The following ADCY5 variants were observed in gnomAD, a reference collection of about 807,000 sequenced individuals.
ADCY5 encodes adenylate cyclase 5, also known as adenylate cyclase type 5.
In ADCY5, 30 loss-of-function variants were observed where a neutral mutation model predicts 119.7. That is an observed-to-expected ratio of 0.25 (90% CI 0.19 to 0.34). ADCY5 has a LOEUF of 0.34. Among genes scored for constraint, ADCY5 ranks in the 10% least tolerant of loss-of-function variants. The pLI is 1.00. For missense variants in ADCY5, 1,324 were observed against 1,775.2 expected, an observed-to-expected ratio of 0.75 and a Z score of 4.57; for synonymous variants, 753 against 762.2, an observed-to-expected ratio of 0.99 and a Z score of 0.20.
chr3:123,291,471 CCA>C, intron 17 of ADCY5, 95 bp from the exon 18 acceptor site: 1 of 1,478,416 alleles, frequency 6.8e-7, no homozygotes, highest in Non-Finnish European at 9.1e-7. Context: ...AGAAAAAGCA[CCA>C]GTCACGCAAA....
chr3:123,327,500 C>A, intron 7 of ADCY5, 118 bp downstream of exon 7: 1 of 1,120,716 alleles, frequency 8.9e-7, no homozygotes, highest in South Asian at 1.7e-5. Flanking sequence ...GCAGGAACCG[C>A]AACTGCATAA....
intron 4 of ADCY5, among the ~76,000 whole-genome samples, chr3:123,331,993 G>A (rs1941786652): frequency 6.6e-6 from 1 of 152,192 alleles, no homozygotes; most frequent in Non-Finnish European, 1.5e-5. Context: ...CCTAGAGCTG[G>A]GAAAGGATAA....
At chr3:123,304,233 A>C in intron 12 of ADCY5, 50 bp from the exon 13 acceptor site, 1 of 1,212,538 alleles carries the variant, frequency 8.2e-7, no homozygotes, top group Non-Finnish European at 1.2e-6. Context: ...ACGGAATAGC[A>C]TTCAGCAAGG....
rs778629605 is a variant in ADCY5 at position 123,325,482 on chromosome 3, A to G, written c.1948-20T>C. ...TTCTTTCTGGAAGACGAACACAGAG[A>G]TGGGGGGAGATGAGGAGTCCAAGCG... On this transcript the variant is annotated intron_variant, in intron 7 of 20. Coordinates refer to ENST00000462833, the MANE Select transcript of ADCY5 (RefSeq NM_183357.3). 6.2e-7 allele frequency: 1 copy of G among 1,610,768 alleles called. No individual in the cohort carries two copies. Among genetic ancestry groups the G allele is most frequent in the South Asian group, 1.1e-5 (1 of 91,072 alleles).
At chr3:123,366,248 G>A (rs1404572622) in intron 1 of ADCY5, among the ~76,000 whole-genome samples, 2 of 152,218 alleles carry the variant, frequency 1.3e-5, no homozygotes, top group East Asian at 1.9e-4. Flanking sequence ...GTACAAAGGG[G>A]AGGCAGGACA....
chr3:123,373,870 G>A, intron 1 of ADCY5, among the ~76,000 whole-genome samples: 1 of 149,940 alleles, frequency 6.7e-6, no homozygotes, highest in Non-Finnish European at 1.5e-5. Context: ...TGGCAACCTT[G>A]GGAAACATCT....
chr3:123,421,692 C>T (rs1034129118), intron 1 of ADCY5, among the ~76,000 whole-genome samples: 1 of 152,130 alleles, frequency 6.6e-6, no homozygotes, highest in African/African-American at 2.4e-5. Flanking sequence ...CAGATGGAGC[C>T]CACTGCCTTC....
intron 2 of ADCY5, among the ~76,000 whole-genome samples, chr3:123,349,259 G>A (rs756728089): frequency 6.6e-6 from 1 of 152,170 alleles, no homozygotes; most frequent in South Asian, 2.1e-4. Flanking sequence ...TGCTGCACCA[G>A]TGCCAACATC....
At chr3:123,342,999 G>A (rs1055734376) in intron 3 of ADCY5, among the ~76,000 whole-genome samples, 2 of 152,186 alleles carry the variant, frequency 1.3e-5, no homozygotes, top group Admixed American at 6.5e-5. Context: ...AAGGAGTCCT[G>A]GGCTAGCTAG....
intron 1 of ADCY5, among the ~76,000 whole-genome samples, chr3:123,362,770 A>G (rs1225182230): frequency 6.6e-6 from 1 of 152,232 alleles, no homozygotes; most frequent in African/African-American, 2.4e-5. Context: ...ATAAACATTC[A>G]GTTCGCAAAG....
rs770147741 is a variant in ADCY5 at position 123,304,103 on chromosome 3, G to C, written c.2523C>G (p.Thr841=). Residue 841 remains threonine, a synonymous_variant, in exon 13 of 21, where the codon ACC becomes ACG. Coordinates refer to ENST00000462833, the MANE Select transcript of ADCY5 (RefSeq NM_183357.3). ...AAGCCGCCAGGAACACCAGGGTGAT[G>C]GTGAACACCCCAACCAGGGTGCTGT... The part of the protein sequence containing the change: ...KMNSTLVGVF[T]ITLVFLAAFV... 1 of 1,613,740 alleles carries C rather than the reference G, an allele frequency of 6.2e-7. No individual in the cohort carries two copies. Among genetic ancestry groups the C allele is most frequent in the Admixed American group, 1.7e-5 (1 of 60,004 alleles).
intron 1 of ADCY5, among the ~76,000 whole-genome samples, chr3:123,436,477 G>A (rs1233299550): frequency 2.0e-5 from 3 of 152,126 alleles, no homozygotes; most frequent in Non-Finnish European, 4.4e-5. Context: ...AGGCCAAGGT[G>A]GGCAGATGAC....
At chr3:123,369,134 C>A (rs1456173922) in intron 1 of ADCY5, among the ~76,000 whole-genome samples, 1 of 151,930 alleles carries the variant, frequency 6.6e-6, no homozygotes, top group Non-Finnish European at 1.5e-5. Context: ...AGGGTGGGGC[C>A]CCCATGATGA....
At chr3:123,371,957 G>A (rs1462630241) in intron 1 of ADCY5, among the ~76,000 whole-genome samples, 1 of 152,222 alleles carries the variant, frequency 6.6e-6, no homozygotes, top group Non-Finnish European at 1.5e-5. Flanking sequence ...GGGGTCTGCA[G>A]TGAGCACAGA....
At chr3:123,315,278 G>A (rs576960848) in intron 11 of ADCY5, among the ~76,000 whole-genome samples, 17 of 152,222 alleles carry the variant, frequency 1.1e-4, no homozygotes, top group African/African-American at 2.4e-4. Flanking sequence ...ACAAAAGCCC[G>A]GCACTTAGCT....
intron 1 of ADCY5, among the ~76,000 whole-genome samples, chr3:123,396,481 G>C (rs144536340): frequency 0.014 from 2,000 of 143,190 alleles, 53 homozygotes; most frequent in African/African-American, 0.049. Context: ...GAAAGAAAGA[G>C]AGAGAGGGAA....
At chr3:123,392,821 G>A (rs548599448) in intron 1 of ADCY5, among the ~76,000 whole-genome samples, 14 of 147,836 alleles carry the variant, frequency 9.5e-5, no homozygotes, top group Non-Finnish European at 1.9e-4. Flanking sequence ...CTCTAATGGT[G>A]CCCCTTATTC....
chr3:123,383,964 G>A (rs1332813728), intron 1 of ADCY5, among the ~76,000 whole-genome samples: 4 of 131,178 alleles, frequency 3.0e-5, no homozygotes, highest in South Asian at 2.7e-4. Context: ...GCACGTGCGC[G>A]CGCGCACACA....
intron 2 of ADCY5, 100 bp from the exon 3 acceptor site, chr3:123,348,003 C>G (rs557488453): frequency 7.5e-7 from 1 of 1,335,942 alleles, no homozygotes; most frequent in Non-Finnish European, 1.0e-6. Context: ...CCCTGGAAAA[C>G]CTCTCAGGCT....
Sources: gnomAD v4.1 joint callset for allele counts (sites outside exome capture counted in the v4.1 genomes callset) on GRCh38, gnomAD v4.1.1 for gene constraint, MANE v1.5 for transcripts, NCBI Gene and HGNC (gene_info 2026-07-23, HGNC 2026-07-21) for gene names.